Variants in SLC44A1 observed in about 807,000 individuals in gnomAD.
SLC44A1 encodes the protein solute carrier family 44 member 1.
A neutral mutation model predicts 79.3 loss-of-function variants in SLC44A1; 26 were observed. The ratio of observed to expected loss-of-function variants is 0.33; its 90% CI spans 0.24 to 0.46. The LOEUF (loss-of-function observed/expected upper bound fraction) is 0.46, where lower values mean the gene tolerates loss of function less well. Among genes scored for constraint, SLC44A1 ranks in the 20% least tolerant of loss-of-function variants. SLC44A1 has a pLI of 1.00. For missense variants in SLC44A1, 688 were observed against 798.1 expected (o/e 0.86, Z 1.66); for synonymous variants, 263 against 286.2 (o/e 0.92, Z 0.82).
rs72744228 is a variant in SLC44A1, at chr9:105,280,574, T to A, written c.37-18646T>A. 9.6e-3 allele frequency among the ~76,000 whole-genome samples: 1,462 copies of A among 152,312 alleles called. 17 individuals carry two copies. Among genetic ancestry groups the A allele is most frequent in the Non-Finnish European group, 0.013 (897 of 68,036 alleles). ...ACTCACACTATACGTCAAAATAAAT[T>A]CCATGAAACCATAAACAGGTATTAA... is the stretch of plus-strand genomic sequence containing the variant. On this transcript the variant is annotated intron_variant, in intron 1 of 15. Transcript: ENST00000374720.
chr9:105,374,264 G>T (rs1222270867), intron 12 of SLC44A1, among the ~76,000 whole-genome samples: 2 of 152,210 alleles, frequency 1.3e-5, no homozygotes, highest in East Asian at 3.8e-4. Context: ...GATGTTCACA[G>T]TCACAACCCT....
intron 3 of SLC44A1, among the ~76,000 whole-genome samples, chr9:105,317,585 A>G (rs1831361495): frequency 4.6e-5 from 7 of 152,092 alleles, no homozygotes; most frequent in Admixed American, 4.6e-4. Flanking sequence ...CCCATCTTCT[A>G]GTGAAGATGG....
intron 1 of SLC44A1, among the ~76,000 whole-genome samples, chr9:105,296,471 A>G (rs1312076508): frequency 6.6e-6 from 1 of 152,228 alleles, no homozygotes; most frequent in Non-Finnish European, 1.5e-5. Context: ...AATGAACTGA[A>G]TGTTGGTCTA....
At chr9:105,408,159 A>G (rs907156779) in intron 15 of SLC44A1, among the ~76,000 whole-genome samples, 5 of 152,088 alleles carry the variant, frequency 3.3e-5, no homozygotes, top group African/African-American at 1.2e-4. Context: ...GTCTCAAAAA[A>G]TAAAATAAAA....
At chr9:105,306,737 A>C (rs1831042996) in intron 2 of SLC44A1, among the ~76,000 whole-genome samples, 1 of 152,148 alleles carries the variant, frequency 6.6e-6, no homozygotes, top group Non-Finnish European at 1.5e-5. Flanking sequence ...AAAGAAAAAA[A>C]CCCACATGTC....
At chr9:105,383,526 G>A (rs1588855891) in intron 14 of SLC44A1, among the ~76,000 whole-genome samples, 167 bp downstream of exon 14, 1 of 152,286 alleles carries the variant, frequency 6.6e-6, no homozygotes, top group South Asian at 2.1e-4. Flanking sequence ...AGTCAGGGAG[G>A]ACGGCTTCTT....
At chr9:105,290,314 C>G (rs1269582576) in intron 1 of SLC44A1, among the ~76,000 whole-genome samples, 1 of 152,062 alleles carries the variant, frequency 6.6e-6, no homozygotes. Context: ...TCAGTCTGTC[C>G]TTGGTATCAT....
Position 105,309,857 on chromosome 9 carries a change from C to T in SLC44A1, c.260C>T (p.Thr87Ile). 6.2e-7 allele frequency: 1 copy of T among 1,613,202 alleles called. No homozygotes were observed. Among genetic ancestry groups the T allele is most frequent in the Non-Finnish European group, 8.5e-7 (1 of 1,179,438 alleles). Residue 87 changes from threonine to isoleucine, a missense_variant, in exon 3 of 16, where the codon ACC (threonine) becomes ATC (isoleucine). Coordinates refer to ENST00000374720, the MANE Select transcript of SLC44A1 (RefSeq NM_080546.5). The part of the protein sequence containing the change: ...EAIPNSGMDH[T>I]QRKYVFFLDP... The stretch of plus-strand genomic sequence containing the variant: ...ATACCAAACAGTGGCATGGACCACA[C>T]CCAGCGGAAGTGAGTAGACTTGCTG...
In SLC44A1 at chr9:105,394,195, A is replaced by G. The variant is rs980830375; in HGVS notation, c.*5139A>G. ...AGGCTGCTCTAAAGTTGTTCTGATAATGTGTTTTGAAATGAGGAAGTGATT... is the reference window on the plus strand; with the variant it reads ...AGGCTGCTCTAAAGTTGTTCTGATAGTGTGTTTTGAAATGAGGAAGTGATT... On this transcript the variant is annotated 3_prime_UTR_variant, in exon 16 of 16. Transcript: ENST00000374720. 8.1e-6 allele frequency: 8 copies of G among 985,274 alleles called. No homozygotes were observed. The highest frequency in any genetic ancestry group is 3.5e-5 in the African/African-American group (2 of 57,230). The allele number at this position is 985,274 out of a possible 1,614,324, so 61.0% of individuals were successfully genotyped here.
intron 9 of SLC44A1, among the ~76,000 whole-genome samples, chr9:105,363,263 A>G (rs904987678): frequency 3.9e-5 from 6 of 152,026 alleles, no homozygotes; most frequent in Non-Finnish European, 8.8e-5. Flanking sequence ...CCCGGGTTCA[A>G]GTGATTCTTC....
At chr9:105,245,799 G>A (rs167867) in intron 1 of SLC44A1, among the ~76,000 whole-genome samples, 19,301 of 152,168 alleles carry the variant, frequency 0.13, 1,598 homozygotes, top group African/African-American at 0.23. Flanking sequence ...TCCTTCTCTC[G>A]GATCCGAGCC....
downstream of SLC44A1, among the ~76,000 whole-genome samples, chr9:105,401,496 G>GA (rs1828957300): frequency 1.3e-5 from 2 of 152,124 alleles, no homozygotes; most frequent in Non-Finnish European, 2.9e-5. Context: ...CTTTCAATTT[G>GA]AAAACAAATC....
At chr9:105,306,982 C>T (rs1460234902) in intron 2 of SLC44A1, among the ~76,000 whole-genome samples, 2 of 151,954 alleles carry the variant, frequency 1.3e-5, no homozygotes, top group Non-Finnish European at 2.9e-5. Flanking sequence ...CTCACTGTTC[C>T]CCCTAGAAAT....
chr9:105,319,220 C>T (rs1826306430), intron 3 of SLC44A1, among the ~76,000 whole-genome samples: 4 of 152,074 alleles, frequency 2.6e-5, no homozygotes, highest in Admixed American at 6.6e-5. Flanking sequence ...CATAAAACCA[C>T]CTATTTCCTG....
At chr9:105,385,761 T>C (rs1223617176) in intron 15 of SLC44A1, 2 of 985,444 alleles carry the variant, frequency 2.0e-6, no homozygotes, top group East Asian at 1.1e-4. Flanking sequence ...TAGGGGATGA[T>C]GGTTTTTTCC....
chr9:105,409,432 C>A (rs1835351369), intron 15 of SLC44A1, among the ~76,000 whole-genome samples: 1 of 152,182 alleles, frequency 6.6e-6, no homozygotes, highest in East Asian at 1.9e-4. Context: ...CCCTTGTAAT[C>A]CCAACACTTT....
At chr9:105,296,850 TAAC>T (rs1032696937) in intron 1 of SLC44A1, among the ~76,000 whole-genome samples, 11 of 152,216 alleles carry the variant, frequency 7.2e-5, no homozygotes, top group African/African-American at 2.7e-4. Context: ...TTCCTAGTCA[TAAC>T]AAAGTTTCCA....
chr9:105,258,223 G>A (rs753544393), intron 1 of SLC44A1, among the ~76,000 whole-genome samples: 1 of 152,252 alleles, frequency 6.6e-6, no homozygotes, highest in Non-Finnish European at 1.5e-5. Context: ...AGGGGAAGAT[G>A]AATTCAATTT....
chr9:105,332,351 C>A (rs13298325), intron 3 of SLC44A1, among the ~76,000 whole-genome samples: 2,251 of 152,152 alleles, frequency 0.015, 25 homozygotes, highest in Non-Finnish European at 0.023. Context: ...AACTCCTGAC[C>A]TTAAGCGATC....
Sources: allele counts gnomAD v4.1 joint callset (sites outside exome capture counted in the v4.1 genomes callset), GRCh38; gene constraint gnomAD v4.1.1; transcripts MANE v1.5; gene names NCBI Gene and HGNC (gene_info 2026-07-23, HGNC 2026-07-21).